ZBTB25: variants seen among roughly 807,000 people sequenced by gnomAD.
ZBTB25 encodes zinc finger and BTB domain containing 25.
In ZBTB25, 20 loss-of-function variants were observed where a neutral mutation model predicts 34.2. The ratio of observed to expected loss-of-function variants is 0.58; its 90% CI spans 0.41 to 0.85. The LOEUF is 0.85. ZBTB25 is among the 40% of genes least tolerant of loss of function. The pLI is 0.00. For synonymous variants in ZBTB25, 175 were observed against 186.4 expected (o/e 0.94, Z 0.50); for missense variants, 437 against 521.8 (o/e 0.84, Z 1.58).
At chr14:64,456,691 T>C (rs2078480022) in intron 2 of ZBTB25, among the ~76,000 whole-genome samples, 1 of 152,188 alleles carries the variant, frequency 6.6e-6, no homozygotes, top group African/African-American at 2.4e-5. Flanking sequence ...CCTACTTGTC[T>C]CACACCTAGC....
chr14:64,464,625 A>G (rs969223650), intron 2 of ZBTB25, among the ~76,000 whole-genome samples: 19 of 152,156 alleles, frequency 1.2e-4, no homozygotes, highest in African/African-American at 4.3e-4. Flanking sequence ...ACTTCACCTT[A>G]CCAGGTTCTT....
At chr14:64,502,255 A>G (rs563251625) in intron 1 of ZBTB25, among the ~76,000 whole-genome samples, 4 of 152,360 alleles carry the variant, frequency 2.6e-5, no homozygotes, top group African/African-American at 9.6e-5. Flanking sequence ...AAAAGGTGTT[A>G]GCAGGTTACG....
chr14:64,488,413 C>T (rs996599132), intron 2 of ZBTB25, among the ~76,000 whole-genome samples: 1 of 151,934 alleles, frequency 6.6e-6, no homozygotes, highest in Non-Finnish European at 1.5e-5. Flanking sequence ...AACAGTCTAT[C>T]AAGTAAACGA....
rs765585665 is a variant in ZBTB25 at position 64,503,358 on chromosome 14, ACC to A, written c.-8+301_-8+302del. On this transcript the variant is annotated intron_variant, in intron 1 of 2. Transcript: ENST00000608382. The stretch of plus-strand genomic sequence containing the variant: ...GTTTCCTGCTGGGGGTCGCACCCGG[ACC>A]CGCGGCCGGGACGGCTCTGCACCTT... 1,487 of 985,266 alleles carry A rather than the reference ACC, an allele frequency of 1.5e-3. 5 individuals are homozygous for A. The highest frequency in any genetic ancestry group is 2.9e-3 in the South Asian group (62 of 21,280). The allele number at this position is 985,266 out of a possible 1,614,324, so 61.0% of individuals were successfully genotyped here.
At chr14:64,477,361 T>C (rs886265680), downstream of ZBTB25, among the ~76,000 whole-genome samples, 19 of 152,176 alleles carry the variant, frequency 1.2e-4, no homozygotes, top group African/African-American at 3.9e-4. Context: ...GGTATGTTAA[T>C]AGTGAAATAG....
At position 64,479,536 on chromosome 14, in the gene ZBTB25, A is replaced by T. The variant is rs149706529; in HGVS notation, c.*7387T>A. On this transcript the variant is annotated 3_prime_UTR_variant, in exon 3 of 3. Coordinates refer to ENST00000608382, the MANE Select transcript of ZBTB25 (RefSeq NM_006977.5). ...CCGTGAGGGTGTTCTGGAGGGAGAC[A>T]AAATCTGAATCAGTAGACTGCGTAA... 6.6e-6 allele frequency: 1 copy of T among 152,406 alleles called. No homozygotes were observed. Among genetic ancestry groups the T allele is most frequent in the East Asian group, 1.9e-4 (1 of 5,194 alleles). 9.4% of individuals were successfully genotyped at this position (152,406 alleles called of 1,614,324 possible).
At chr14:64,500,886 A>G (rs557851653) in intron 1 of ZBTB25, among the ~76,000 whole-genome samples, 1 of 152,202 alleles carries the variant, frequency 6.6e-6, no homozygotes. Flanking sequence ...CCCTGTCTCT[A>G]CTAAAAATAC....
Position 64,481,870 on chromosome 14 carries a change from T to C in ZBTB25, c.*5053A>G. The stretch of plus-strand genomic sequence containing the variant: ...ATAATTTAAGTGCCACAAATCTATA[T>C]GTAGTTCAAAATATACAAAGACACA... On this transcript the variant is annotated 3_prime_UTR_variant, in exon 3 of 3. Coordinates refer to ENST00000608382, the MANE Select transcript of ZBTB25 (RefSeq NM_006977.5). 1 of 152,224 alleles carries C rather than the reference T, an allele frequency of 6.6e-6. No homozygotes were observed. Among genetic ancestry groups the C allele is most frequent in the East Asian group, 1.9e-4 (1 of 5,202 alleles). 9.4% of individuals were successfully genotyped at this position (152,224 alleles called of 1,614,324 possible). A position where few individuals can be genotyped will look rare whatever the true frequency, so the allele number is the denominator to read the frequency against.
intron 2 of ZBTB25, among the ~76,000 whole-genome samples, chr14:64,466,196 T>C (rs1158971644): frequency 6.6e-6 from 1 of 152,224 alleles, no homozygotes; most frequent in East Asian, 1.9e-4. Context: ...ACAGGGACTT[T>C]AAGATTTCCT....
intron 2 of ZBTB25, among the ~76,000 whole-genome samples, chr14:64,465,977 T>C (rs2078609079): frequency 6.6e-6 from 1 of 152,186 alleles, no homozygotes; most frequent in Admixed American, 6.5e-5. Flanking sequence ...GGCATTTTCC[T>C]TTTTGAGTAC....
At chr14:64,469,578 C>T (rs906590680) in intron 2 of ZBTB25, 1 of 1,613,652 alleles carries the variant, frequency 6.2e-7, no homozygotes, top group African/African-American at 1.3e-5. Flanking sequence ...TTAATTGAAA[C>T]AGCCTCTTCT....
At chr14:64,449,465 T>C in exon 3 of ZBTB25, 1 of 1,613,742 alleles carries the variant, frequency 6.2e-7, no homozygotes, top group Non-Finnish European at 8.5e-7. Flanking sequence ...GAGTCTGAGC[T>C]GGACCTCATC....
At position 64,481,407 on chromosome 14, in the gene ZBTB25, G is replaced by C. The variant is rs913560933; in HGVS notation, c.*5516C>G. 6.6e-6 allele frequency: 1 copy of C among 152,238 alleles called. No individual in the cohort carries two copies. Among genetic ancestry groups the C allele is most frequent in the African/African-American group, 2.4e-5 (1 of 41,462 alleles). The allele number at this position is 152,238 out of a possible 1,614,324, so 9.4% of individuals were successfully genotyped here. ...ACAGTACATTAGGTGGATGAGTTTA[G>C]CCACACAATGTATTATTGATTTTGG... is the stretch of plus-strand genomic sequence containing the variant. On this transcript the variant is annotated 3_prime_UTR_variant, in exon 3 of 3. Transcript: ENST00000608382.
At chr14:64,505,054 CG>C, upstream of ZBTB25, 2 of 372,566 alleles carry the variant, frequency 5.4e-6, no homozygotes, top group Non-Finnish European at 9.6e-6. Context: ...CCGATCCGTG[CG>C]GGGAGCCGGA....
intron 2 of ZBTB25, chr14:64,469,572 T>C (rs1230149296): frequency 6.2e-7 from 1 of 1,613,800 alleles, no homozygotes; most frequent in Non-Finnish European, 8.5e-7. Context: ...ACACTCTTAA[T>C]TGAAACAGCC....
chr14:64,468,819 C>T (rs1300421614), intron 2 of ZBTB25: 3 of 1,614,006 alleles, frequency 1.9e-6, no homozygotes, highest in Non-Finnish European at 2.5e-6. Flanking sequence ...AGTAATCATT[C>T]CAAAATTATA....
intron 2 of ZBTB25, chr14:64,461,173 C>G (rs539310375): frequency 2.0e-5 from 3 of 152,126 alleles, no homozygotes; most frequent in Non-Finnish European, 4.4e-5. Context: ...GGCGCCAGTG[C>G]TAAACACTGC....
chr14:64,499,365 G>C (rs769270087), intron 1 of ZBTB25: 1 of 152,168 alleles, frequency 6.6e-6, no homozygotes, highest in East Asian at 1.9e-4. Context: ...TCGGGAGTTC[G>C]AGACCAGCCT....
intron 1 of ZBTB25, among the ~76,000 whole-genome samples, chr14:64,500,686 T>C (rs2079461188): frequency 6.6e-6 from 1 of 151,844 alleles, no homozygotes; most frequent in Non-Finnish European, 1.5e-5. Context: ...TCCCAGCTAC[T>C]TGGGAGGCTG....
Sources: gnomAD v4.1 joint callset for allele counts (sites outside exome capture counted in the v4.1 genomes callset) on GRCh38, gnomAD v4.1.1 for gene constraint, MANE v1.5 for transcripts, NCBI Gene and HGNC (gene_info 2026-07-23, HGNC 2026-07-21) for gene names.